THBS4: variants seen among roughly 807,000 people sequenced by gnomAD.
THBS4 encodes thrombospondin-4.
Under a neutral mutation model 115.7 loss-of-function variants are expected in THBS4, and 90 were observed. The observed-to-expected ratio is 0.78, with a 90% CI of 0.66 to 0.93. The LOEUF is 0.93. Ranked by LOEUF, THBS4 falls within the 40% of genes least tolerant of loss-of-function variation. The pLI is 0.00. For missense variants in THBS4, 1,087 were observed against 1,232.7 expected, an observed-to-expected ratio of 0.88 and a Z score of 1.77; for synonymous variants, 460 against 479.3, an observed-to-expected ratio of 0.96 and a Z score of 0.53.
At chr5:80,032,572 C>G (rs1196883736), upstream of THBS4, among the ~76,000 whole-genome samples, 3 of 152,190 alleles carry the variant, frequency 2.0e-5, no homozygotes, top group African/African-American at 7.2e-5. Flanking sequence ...GACAGTGCAA[C>G]CTTTAGTCTG....
chr5:79,994,806 C>G (rs1831758454), intron 1 of THBS4, among the ~76,000 whole-genome samples: 1 of 152,178 alleles, frequency 6.6e-6, no homozygotes, highest in Non-Finnish European at 1.5e-5. Context: ...GTTGATGAAA[C>G]AAGGCCCACA....
At chr5:79,996,455 A>G (rs1417988404) in intron 1 of THBS4, among the ~76,000 whole-genome samples, 1 of 152,200 alleles carries the variant, frequency 6.6e-6, no homozygotes, top group Non-Finnish European at 1.5e-5. Context: ...CCTGAGGATG[A>G]TAGAAGAGGG....
intron 2 of THBS4, among the ~76,000 whole-genome samples, chr5:80,002,931 AAAAAAC>A (rs1339159402): frequency 6.6e-6 from 1 of 152,052 alleles, no homozygotes; most frequent in African/African-American, 2.4e-5. Flanking sequence ...TTGAAAAAAA[AAAAAAC>A]AAAAACATGT....
At position 80,077,032 on chromosome 5, in the gene THBS4, C is replaced by T. The variant is rs1171613265; in HGVS notation, c.2070C>T (p.Ala690=). The T allele has an allele frequency of 4.4e-6, 7 of 1,605,652 alleles. No individual in the cohort carries two copies. The highest frequency in any genetic ancestry group is 5.1e-6 in the Non-Finnish European group (6 of 1,175,560). ...PDNCRLVPNP[A]QEDSNSDGVG... ...ACTGCCGGCTGGTCCCCAACCCAGC[C>T]CAGGAGGATAGCAACAGTAAGCAGG... Residue 690 remains alanine, a synonymous_variant, in exon 16 of 22, where the codon GCC becomes GCT. Transcript: ENST00000350881.
chr5:80,029,975 A>T (rs1832554686), intron 2 of THBS4, among the ~76,000 whole-genome samples: 1 of 152,138 alleles, frequency 6.6e-6, no homozygotes, highest in South Asian at 2.1e-4. Context: ...CTCAAAAAAA[A>T]ATAATAGGAA....
At chr5:80,011,646 T>G (rs2151154688) in intron 2 of THBS4, among the ~76,000 whole-genome samples, 1 of 152,206 alleles carries the variant, frequency 6.6e-6, no homozygotes, top group Middle Eastern at 3.4e-3. Context: ...TAATATATTT[T>G]AAATAGTGAG....
intron 7 of THBS4, among the ~76,000 whole-genome samples, chr5:80,060,170 G>A (rs556644498): frequency 6.4e-4 from 98 of 152,278 alleles, no homozygotes; most frequent in African/African-American, 1.7e-3. Flanking sequence ...TGCTTTACAC[G>A]CTGACATTTG....
intron 2 of THBS4, among the ~76,000 whole-genome samples, chr5:80,008,288 C>G (rs1017212845): frequency 6.6e-6 from 1 of 152,182 alleles, no homozygotes; most frequent in Non-Finnish European, 1.5e-5. Context: ...ATGTCTCCAT[C>G]TAAGACAGAG....
chr5:80,060,424 A>T lies in THBS4; in HGVS notation c.987+519A>T, dbSNP rs187688719. ...GAGGCACATCCAGCAAATACCAGCT[A>T]TTTGACCGGCTGGCAGAGCCCCAGA... On this transcript the variant is annotated intron_variant, in intron 7 of 21. Transcript: ENST00000350881. Among the ~76,000 whole-genome samples, 33 of 152,272 alleles carry T rather than the reference A, an allele frequency of 2.2e-4. No individual in the cohort carries two copies. In the East Asian group the frequency reaches 5.6e-3, roughly 26 times the overall value.
At position 80,083,079 on chromosome 5, in the gene THBS4, G is replaced by A; in HGVS notation, c.2825-1G>A. 6.2e-7 allele frequency: 1 copy of A among 1,613,968 alleles called. No homozygotes were observed. Among genetic ancestry groups the A allele is most frequent in the Non-Finnish European group, 8.5e-7 (1 of 1,179,776 alleles). On this transcript the variant is annotated splice_acceptor_variant, in intron 21 of 21. Transcript: ENST00000350881. LOFTEE classifies it high-confidence loss of function. ...CCTCCCTGTGCCCATTCCTATTGCA[G>A]ACACCATCCCTGAGGACTTCCAAGA...
intron 15 of THBS4, chr5:80,074,226 G>A (rs1007722061): frequency 7.2e-5 from 11 of 152,230 alleles, no homozygotes; most frequent in African/African-American, 2.6e-4. Context: ...TTATTTCCTG[G>A]TCCTTGAAAT....
At chr5:80,019,637 C>G (rs1306663304) in intron 2 of THBS4, 1 of 157,722 alleles carries the variant, frequency 6.3e-6, no homozygotes, top group Non-Finnish European at 1.4e-5. Flanking sequence ...GTGGATACCC[C>G]AAGAAGTACC....
intron 13 of THBS4, chr5:80,072,013 C>G (rs566774821): frequency 2.5e-6 from 1 of 406,758 alleles, no homozygotes; most frequent in South Asian, 2.6e-5. Flanking sequence ...ATACAGCCAT[C>G]ATGATCCCCT....
chr5:80,082,125 A>AACATCATGTTAGGCC (rs1743536735), intron 20 of THBS4: 1 of 364,936 alleles, frequency 2.7e-6, no homozygotes, highest in East Asian at 4.5e-5. Flanking sequence ...TAGTGTGACC[A>AACATCATGTTAGGCC]ACATCATGTT....
intron 2 of THBS4, among the ~76,000 whole-genome samples, chr5:80,024,866 C>G (rs1431846806): frequency 6.6e-6 from 1 of 152,212 alleles, no homozygotes; most frequent in Non-Finnish European, 1.5e-5. Flanking sequence ...GACATTCACT[C>G]TCCCTAAGGC....
chr5:80,048,636 G>T (rs1833153109), intron 2 of THBS4, among the ~76,000 whole-genome samples: 1 of 142,582 alleles, frequency 7.0e-6, no homozygotes, highest in Non-Finnish European at 1.5e-5. Context: ...AGATAGATGT[G>T]TGTGTGTGTG....
At chr5:80,080,572 C>T (rs998583789) in intron 20 of THBS4, among the ~76,000 whole-genome samples, 1 of 84,234 alleles carries the variant, frequency 1.2e-5, no homozygotes, top group African/African-American at 4.1e-5. Context: ...GAGAGCAGCG[C>T]TTGTATCTTT....
chr5:79,996,250 G>A lies in THBS4; in HGVS notation n.82-2082G>A, dbSNP rs79689397. 5.0e-3 allele frequency among the ~76,000 whole-genome samples: 766 copies of A among 152,276 alleles called. 5 individuals carry two copies. Among genetic ancestry groups the A allele is most frequent in the Non-Finnish European group, 8.4e-3 (568 of 68,014 alleles). On this transcript the variant is annotated intron_variant and non_coding_transcript_variant, in intron 1 of 3. Transcript: ENST00000510218. ...GTCAAATGTAAATTAGTATTAAGGC[G>A]ATAAATCAAGGGAGAGCCATGGGCA...
intron 2 of THBS4, among the ~76,000 whole-genome samples, chr5:80,041,424 G>A (rs2112035556): frequency 6.6e-6 from 1 of 152,256 alleles, no homozygotes; most frequent in Admixed American, 6.5e-5. Flanking sequence ...CAAACATTCA[G>A]CCCATGACAG....
Sources: gnomAD v4.1 joint callset for allele counts (sites outside exome capture counted in the v4.1 genomes callset) on GRCh38, gnomAD v4.1.1 for gene constraint, MANE v1.5 for transcripts, NCBI Gene and HGNC (gene_info 2026-07-23, HGNC 2026-07-21) for gene names.